The following SOX5 variants were observed in gnomAD, a reference collection of about 807,000 sequenced individuals.
SOX5 encodes the protein transcription factor SOX-5.
In SOX5, 9 loss-of-function variants were observed where a neutral mutation model predicts 92.0. The observed-to-expected ratio is 0.10, with a 90% CI of 0.06 to 0.17. SOX5 has a LOEUF of 0.17. Among genes scored for constraint, SOX5 ranks in the 10% least tolerant of loss-of-function variants. The pLI is 1.00. For missense variants in SOX5, 642 were observed against 944.5 expected, an observed-to-expected ratio of 0.68 and a Z score of 4.20; for synonymous variants, 344 against 336.3, an observed-to-expected ratio of 1.02 and a Z score of -0.25.
At chr12:24,024,559 T>C (rs1435803388) in intron 4 of SOX5, among the ~76,000 whole-genome samples, 2 of 152,060 alleles carry the variant, frequency 1.3e-5, no homozygotes, top group South Asian at 2.1e-4. Context: ...CTTAGGCATT[T>C]GCTCAAGATG....
At chr12:23,831,274 T>G (rs2096313583) in intron 3 of SOX5, among the ~76,000 whole-genome samples, 1 of 152,174 alleles carries the variant, frequency 6.6e-6, no homozygotes, top group South Asian at 2.1e-4. Context: ...TGTTGATTTT[T>G]TTCAAGTTTT....
chr12:24,228,992 T>C lies in SOX5; in HGVS notation c.-76-15575A>G, dbSNP rs1337905725. Among the ~76,000 whole-genome samples the C allele has an allele frequency of 2.6e-5, 4 of 152,220 alleles. No individual in the cohort carries two copies. The East Asian group carries it at 5.8e-4, about 22-fold the overall frequency. On this transcript the variant is annotated intron_variant, in intron 3 of 4. Transcript: ENST00000446891. ...TCACAACAAAGTGCAAGACCCATGA[T>C]TGTCCAGTGGTTCTCCCCCAACCCC...
chr12:23,853,551 T>G (rs79224781), intron 2 of SOX5, among the ~76,000 whole-genome samples: 4,971 of 151,768 alleles, frequency 0.033, 283 homozygotes, highest in African/African-American at 0.11. Flanking sequence ...GTGTTTTTTT[T>G]TTTTTTTTTT....
At chr12:24,270,009 A>C (rs957538280) in intron 3 of SOX5, among the ~76,000 whole-genome samples, 1 of 151,970 alleles carries the variant, frequency 6.6e-6, no homozygotes, top group Admixed American at 6.6e-5. Flanking sequence ...AGAATACTGG[A>C]CAGAATAAAT....
chr12:24,219,703 T>C (rs1959932841), intron 3 of SOX5, among the ~76,000 whole-genome samples: 1 of 152,156 alleles, frequency 6.6e-6, no homozygotes, highest in South Asian at 2.1e-4. Context: ...TATTCAAGTG[T>C]ATTTTCTGCC....
chr12:24,231,604 T>C (rs1405538316), intron 3 of SOX5, among the ~76,000 whole-genome samples: 1 of 152,232 alleles, frequency 6.6e-6, no homozygotes, highest in Non-Finnish European at 1.5e-5. Context: ...CTAATGTCTC[T>C]ACACATATAC....
chr12:24,446,054 C>A (rs1941421373), intron 1 of SOX5, among the ~76,000 whole-genome samples: 1 of 152,162 alleles, frequency 6.6e-6, no homozygotes, highest in Admixed American at 6.5e-5. Context: ...AGGCCTTTTG[C>A]AACCAGCATT....
intron 4 of SOX5, among the ~76,000 whole-genome samples, chr12:23,973,395 A>G (rs1311360317): frequency 1.3e-5 from 2 of 151,820 alleles, no homozygotes; most frequent in African/African-American, 4.8e-5. Flanking sequence ...TCCTGACCTC[A>G]TGATCCACCC....
At position 24,353,875 on chromosome 12, in the gene SOX5, G is replaced by A. The variant is rs182587486; in HGVS notation, c.-174+14688C>T. Among the ~76,000 whole-genome samples, 424 of 151,984 alleles carry A rather than the reference G, an allele frequency of 2.8e-3. 2 individuals carry two copies. The highest frequency in any genetic ancestry group is 9.8e-3 in the African/African-American group (407 of 41,430). ...AGTCTGGTCTTGAACTCCTGACCTC[G>A]TGATCCACCTGCCTCAGCCTCCCAT... is the stretch of plus-strand genomic sequence containing the variant. On this transcript the variant is annotated intron_variant, in intron 2 of 4. Transcript: ENST00000446891.
At chr12:24,138,208 G>T (rs180881292) in intron 4 of SOX5, among the ~76,000 whole-genome samples, 1 of 152,212 alleles carries the variant, frequency 6.6e-6, no homozygotes, top group East Asian at 1.9e-4. Flanking sequence ...GAACGGAGGC[G>T]TATCCACTTG....
intron 3 of SOX5, among the ~76,000 whole-genome samples, chr12:24,232,127 C>T (rs1460835896): frequency 6.6e-6 from 1 of 152,060 alleles, no homozygotes; most frequent in Non-Finnish European, 1.5e-5. Context: ...CCCTGTCCAC[C>T]TACCATGGTA....
chr12:23,642,853 C>T (rs1263159535), intron 7 of SOX5, among the ~76,000 whole-genome samples: 1 of 145,732 alleles, frequency 6.9e-6, no homozygotes, highest in Non-Finnish European at 1.5e-5. Flanking sequence ...TTTGGGAGGC[C>T]GAGGCGGGCG....
intron 1 of SOX5, among the ~76,000 whole-genome samples, chr12:23,925,703 G>C (rs1052050042): frequency 6.6e-6 from 1 of 151,996 alleles, no homozygotes; most frequent in African/African-American, 2.4e-5. Context: ...ATATGTTCAA[G>C]ATACAATAAC....
chr12:24,296,930 GACACACAC>G lies in SOX5; in HGVS notation c.-173-19626_-173-19619del, dbSNP rs34848004. Among the ~76,000 whole-genome samples the G allele has an allele frequency of 9.4e-5, 14 of 148,192 alleles. No homozygotes were observed. The East Asian group carries it at 1.4e-3, about 15-fold the overall frequency. Reference sequence around the variant, plus strand: ...CCACATGGCCCTACATAGACAGACAGACACACACACACACACACACACACACACACAAA... The same window carrying G: ...CCACATGGCCCTACATAGACAGACAGACACACACACACACACACACACAAA... On this transcript the variant is annotated intron_variant, in intron 2 of 4. Transcript: ENST00000446891.
In SOX5 at chr12:24,100,779, C is replaced by G. The variant is rs114293263; in HGVS notation, c.-2+112564G>C. 9.5e-3 allele frequency among the ~76,000 whole-genome samples: 1,451 copies of G among 152,244 alleles called. 33 individuals are homozygous for G. The highest frequency in any genetic ancestry group is 0.033 in the African/African-American group (1,385 of 41,558). On this transcript the variant is annotated intron_variant, in intron 4 of 4. Coordinates refer to the SOX5 transcript ENST00000446891. The stretch of plus-strand genomic sequence containing the variant: ...CCCAGAACTCTTGATTTTCTCAAAT[C>G]TGGACTTCTCAAGTTTTCCCAACTT...
intron 2 of SOX5, among the ~76,000 whole-genome samples, chr12:23,888,460 A>G (rs779265128): frequency 7.9e-5 from 12 of 152,104 alleles, no homozygotes; most frequent in Middle Eastern, 6.8e-3. Context: ...CTCAAGGTCC[A>G]GTTAACTTTA....
chr12:24,290,716 G>T (rs992201355), intron 2 of SOX5, among the ~76,000 whole-genome samples: 1 of 152,168 alleles, frequency 6.6e-6, no homozygotes, highest in African/African-American at 2.4e-5. Flanking sequence ...AAGAGGGAGA[G>T]ATATAAAAAT....
At chr12:24,222,698 T>C (rs914938098) in intron 3 of SOX5, among the ~76,000 whole-genome samples, 10 of 152,192 alleles carry the variant, frequency 6.6e-5, no homozygotes, top group African/African-American at 1.7e-4. Flanking sequence ...ATAGGATTAA[T>C]AGAAATAAGT....
chr12:24,548,761 T>A (rs1292406225), intron 1 of SOX5, among the ~76,000 whole-genome samples: 22 of 152,218 alleles, frequency 1.4e-4, no homozygotes, highest in Admixed American at 1.4e-3. Context: ...ACCATGTTTC[T>A]CTTGTGTGAA....
Sources: allele counts gnomAD v4.1 joint callset (sites outside exome capture counted in the v4.1 genomes callset), GRCh38; gene constraint gnomAD v4.1.1; transcripts MANE v1.5; gene names NCBI Gene and HGNC (gene_info 2026-07-23, HGNC 2026-07-21).